Variants in PREX2 observed in about 807,000 individuals in gnomAD.
PREX2 encodes the protein phosphatidylinositol-3,4,5-trisphosphate dependent Rac exchange factor 2, also known as phosphatidylinositol 3,4,5-trisphosphate-dependent Rac exchanger 2 protein.
In PREX2, 107 loss-of-function variants were observed where a neutral mutation model predicts 203.2. That is an observed-to-expected ratio of 0.53 (90% CI 0.45 to 0.62). PREX2 has a LOEUF of 0.62. Among genes scored for constraint, PREX2 ranks in the 20% least tolerant of loss-of-function variants. The pLI is 0.00. For synonymous variants in PREX2, 672 were observed against 663.6 expected (o/e 1.01, Z -0.19); for missense variants, 1,777 against 1,955.9 (o/e 0.91, Z 1.72).
intron 1 of PREX2, among the ~76,000 whole-genome samples, chr8:68,010,741 A>T (rs1021246515): frequency 1.3e-5 from 2 of 152,162 alleles, no homozygotes. Context: ...CTGTATCTGT[A>T]TGTGTTTGAG....
At chr8:68,088,012 T>C (rs1468491621) in intron 19 of PREX2, among the ~76,000 whole-genome samples, 3 of 152,194 alleles carry the variant, frequency 2.0e-5, no homozygotes, top group Non-Finnish European at 4.4e-5. Flanking sequence ...GTTAAAAAAT[T>C]GATATAAGAA....
intron 37 of PREX2, among the ~76,000 whole-genome samples, chr8:68,201,642 C>T (rs1471379788): frequency 2.0e-5 from 3 of 152,142 alleles, no homozygotes; most frequent in Non-Finnish European, 4.4e-5. Flanking sequence ...GAGGGTAGAT[C>T]TGCCTTTCCC....
At position 67,999,478 on chromosome 8, in the gene PREX2, C is replaced by CAA. The variant is rs58916146; in HGVS notation, c.142-18352_142-18351dup. On this transcript the variant is annotated intron_variant, in intron 1 of 39. Transcript: ENST00000288368. ...AATCAGTAATAAATAGCCAACAAAC[C>CAA]AAAAAAAAAAAAAAAAAGCCCAGAA... Among the ~76,000 whole-genome samples the CAA allele has an allele frequency of 1.7e-3, 154 of 92,092 alleles. 10 individuals are homozygous for CAA. Among genetic ancestry groups the CAA allele is most frequent in the East Asian group, 5.5e-3 (17 of 3,066 alleles). The allele number at this position is 92,092 out of a possible 152,430, so 60.4% of individuals were successfully genotyped here. A position where few individuals can be genotyped will look rare whatever the true frequency, so the allele number is the denominator to read the frequency against.
chr8:68,221,473 A>G (rs1812952251), intron 38 of PREX2, among the ~76,000 whole-genome samples: 1 of 151,096 alleles, frequency 6.6e-6, no homozygotes, highest in Non-Finnish European at 1.5e-5. Context: ...TGTTGTGAGG[A>G]TTAAGTAAGT....
At position 68,232,574 on chromosome 8, in the gene PREX2, A is replaced by G. The variant is rs1334786756; in HGVS notation, c.*1196A>G. 2.0e-5 allele frequency: 3 copies of G among 152,274 alleles called. No individual in the cohort carries two copies. In the South Asian group the frequency reaches 6.2e-4, roughly 32 times the overall value. The allele number at this position is 152,274 out of a possible 1,614,324, so 9.4% of individuals were successfully genotyped here. ...TTATATGGGTTTACACTAATTTAGTATGTGAAATGCTTTTCATATCTAAAT... is the reference window on the plus strand; with the variant it reads ...TTATATGGGTTTACACTAATTTAGTGTGTGAAATGCTTTTCATATCTAAAT... On this transcript the variant is annotated 3_prime_UTR_variant, in exon 40 of 40. Transcript: ENST00000288368.
intron 9 of PREX2, 94 bp downstream of exon 9, chr8:68,053,340 T>A: frequency 7.5e-7 from 1 of 1,333,396 alleles, no homozygotes; most frequent in Non-Finnish European, 1.0e-6. Flanking sequence ...TGGAAAGGTA[T>A]ATGATGGTCA....
Position 68,216,991 on chromosome 8 carries a change from G to A in PREX2, c.4605-625G>A, listed in dbSNP as rs1320265327. On this transcript the variant is annotated intron_variant, in intron 37 of 39. Coordinates refer to ENST00000288368, the MANE Select transcript of PREX2 (RefSeq NM_024870.4). ...AACAAAAAAAAAAAAAAAAATGAGA[G>A]AGAGAGAGAGAAGGAAAAGAACAAA... Among the ~76,000 whole-genome samples, 4 of 151,012 alleles carry A rather than the reference G, an allele frequency of 2.6e-5. No individual in the cohort carries two copies. The East Asian group carries it at 7.8e-4, about 29-fold the overall frequency.
intron 23 of PREX2, chr8:68,105,863 C>A (rs1319448732): frequency 6.6e-6 from 1 of 151,608 alleles, no homozygotes; most frequent in Admixed American, 6.6e-5. Flanking sequence ...CAGAATACAT[C>A]CCCGTTGTTA....
Position 68,083,255 on chromosome 8 carries a change from G to C in PREX2, c.1894G>C (p.Val632Leu). Residue 632 changes from valine to leucine, a missense_variant, in exon 18 of 40, where the codon GTC (valine) becomes CTC (leucine). Coordinates refer to ENST00000288368, the MANE Select transcript of PREX2 (RefSeq NM_024870.4). The stretch of plus-strand genomic sequence containing the variant: ...TCTCTCTTAGATGGCTGGCATGGAA[G>C]TCGGGAAAAAGATTTTTGCTATTAA... The part of the protein sequence containing the change: ...GSNAEMAGME[V>L]GKKIFAINGD... 1 of 1,593,308 alleles carries C rather than the reference G, an allele frequency of 6.3e-7. No homozygotes were observed. Among genetic ancestry groups the C allele is most frequent in the South Asian group, 1.1e-5 (1 of 87,842 alleles).
At chr8:68,202,067 AT>A (rs1268955591) in intron 37 of PREX2, among the ~76,000 whole-genome samples, 5 of 151,044 alleles carry the variant, frequency 3.3e-5, no homozygotes, top group African/African-American at 1.2e-4. Context: ...CACCCTGCCT[AT>A]TTTTTGTATT....
intron 35 of PREX2, among the ~76,000 whole-genome samples, chr8:68,191,456 G>A (rs958024754): frequency 2.0e-5 from 3 of 152,092 alleles, no homozygotes; most frequent in Non-Finnish European, 4.4e-5. Flanking sequence ...AGAAGCTAAT[G>A]CTTTCCTCAA....
chr8:68,179,817 T>C (rs143397320), intron 35 of PREX2, among the ~76,000 whole-genome samples: 82 of 152,306 alleles, frequency 5.4e-4, no homozygotes, highest in African/African-American at 2.0e-3. Context: ...ATTAGTATTT[T>C]TTGTTATTCT....
At chr8:68,217,941 C>T (rs1237486786) in intron 38 of PREX2, among the ~76,000 whole-genome samples, 7 of 152,158 alleles carry the variant, frequency 4.6e-5, no homozygotes, top group Non-Finnish European at 8.8e-5. Context: ...GGGAAGTCTA[C>T]GGAGTAATCT....
intron 1 of PREX2, among the ~76,000 whole-genome samples, chr8:67,977,403 A>T (rs966332800): frequency 6.6e-6 from 1 of 152,240 alleles, no homozygotes; most frequent in South Asian, 2.1e-4. Context: ...CTGAAACAAC[A>T]TACAGGAACA....
intron 23 of PREX2, among the ~76,000 whole-genome samples, chr8:68,107,300 CTAAG>C (rs1302242097): frequency 6.6e-6 from 1 of 151,938 alleles, no homozygotes; most frequent in Non-Finnish European, 1.5e-5. Context: ...GTGAGACGAA[CTAAG>C]TGAGGGCCAG....
intron 6 of PREX2, among the ~76,000 whole-genome samples, chr8:68,031,814 G>A (rs2129610540): frequency 6.6e-6 from 1 of 152,264 alleles, no homozygotes; most frequent in African/African-American, 2.4e-5. Flanking sequence ...TGAGAAGAAT[G>A]GACTCAAGTT....
intron 35 of PREX2, among the ~76,000 whole-genome samples, chr8:68,164,294 A>G (rs1811711268): frequency 6.6e-6 from 1 of 152,072 alleles, no homozygotes; most frequent in South Asian, 2.1e-4. Context: ...CCACAGGAAA[A>G]TAGTAGTCCC....
At chr8:68,175,970 A>G (rs1269130605) in intron 35 of PREX2, among the ~76,000 whole-genome samples, 1 of 152,122 alleles carries the variant, frequency 6.6e-6, no homozygotes, top group African/African-American at 2.4e-5. Flanking sequence ...TTGAAAGCCT[A>G]TAGTTCTATT....
At position 67,962,454 on chromosome 8, in the gene PREX2, C is replaced by T. The variant is rs548762652; in HGVS notation, c.141+9919C>T. 1.4e-4 allele frequency among the ~76,000 whole-genome samples: 21 copies of T among 151,990 alleles called. No individual in the cohort carries two copies. In the East Asian group the frequency reaches 3.7e-3, roughly 27 times the overall value. On this transcript the variant is annotated intron_variant, in intron 1 of 39. Transcript: ENST00000288368. ...TATTAATTGACCTAAATGTTAGTCC[C>T]GCACCCACATACTCCAAGATTATTT...
Sources: gnomAD v4.1 joint callset for allele counts (sites outside exome capture counted in the v4.1 genomes callset) on GRCh38, gnomAD v4.1.1 for gene constraint, MANE v1.5 for transcripts, NCBI Gene and HGNC (gene_info 2026-07-23, HGNC 2026-07-21) for gene names.